The following ZNF880 variants were observed in gnomAD, a reference collection of about 807,000 sequenced individuals.
ZNF880 encodes the protein zinc finger protein LOC400713.
ZNF880 carries 12 observed loss-of-function variants against 11.8 expected under a neutral mutation model. That is an observed-to-expected ratio of 1.02 (90% confidence interval 0.65 to 1.65). ZNF880 has a LOEUF of 1.65. ZNF880 is among the 40% of genes most tolerant of loss of function. ZNF880 has a pLI of 0.00. For missense variants in ZNF880, 601 were observed against 673.9 expected, an observed-to-expected ratio of 0.89 and a Z score of 1.20; for synonymous variants, 210 against 232.4, an observed-to-expected ratio of 0.90 and a Z score of 0.88.
rs778858209 is a variant in ZNF880 at position 52,384,187 on chromosome 19, C to G, written c.607C>G (p.Gln203Glu). 9.9e-6 allele frequency: 16 copies of G among 1,610,866 alleles called. No individual in the cohort carries two copies. The highest frequency in any genetic ancestry group is 1.3e-5 in the Non-Finnish European group (15 of 1,178,288). ...FRVSSRLANN[Q>E]VIHTADNPYK... is the part of the protein sequence containing the mutation. ...AGTGTCTTCAAGACTTGCTAACAAT[C>G]AAGTAATCCACACTGCAGATAACCC... Residue 203 changes from glutamine to glutamate, a missense_variant, in exon 4 of 4, where the codon CAA (glutamine) becomes GAA (glutamate). Physicochemically the swap from Gln to Glu is conservative, Grantham distance 29. Coordinates refer to ENST00000422689, the MANE Select transcript of ZNF880 (RefSeq NM_001145434.2).
chr19:52,377,107 G>A (rs558264031), intron 3 of ZNF880, among the ~76,000 whole-genome samples: 2 of 152,294 alleles, frequency 1.3e-5, no homozygotes, highest in South Asian at 4.2e-4. Context: ...CTCTGTTTCT[G>A]TAGTGATTTT....
intron 2 of ZNF880, among the ~76,000 whole-genome samples, chr19:52,374,054 ATTCT>A (rs1434763041): frequency 6.6e-6 from 1 of 151,164 alleles, no homozygotes; most frequent in Non-Finnish European, 1.5e-5. Flanking sequence ...GTACACATTT[ATTCT>A]TTCTTTTTAT....
the ZNF880 span, among the ~76,000 whole-genome samples, chr19:52,391,832 G>A: frequency 6.6e-6 from 1 of 151,980 alleles, no homozygotes; most frequent in African/African-American, 2.4e-5. Context: ...CTGGGATGGG[G>A]TAGGGTGTGT....
downstream of ZNF880, chr19:52,390,076 C>A (rs2058702012): frequency 6.4e-6 from 1 of 156,678 alleles, no homozygotes; most frequent in Non-Finnish European, 1.4e-5. Context: ...TAAAGAAATA[C>A]CCGAGACTGG....
intron 3 of ZNF880, chr19:52,374,859 C>T (rs1480583875): frequency 1.3e-5 from 4 of 311,192 alleles, no homozygotes; most frequent in Non-Finnish European, 2.4e-5. Context: ...CTCTGCCTGC[C>T]AAGTCACTGG....
chr19:52,388,174 G>A (rs1204544789), downstream of ZNF880, among the ~76,000 whole-genome samples: 1 of 150,558 alleles, frequency 6.6e-6, no homozygotes, highest in Non-Finnish European at 1.5e-5. Context: ...CACTGCGCCT[G>A]GCCCATAAAT....
intron 2 of ZNF880, 77 bp from the exon 3 acceptor site, chr19:52,374,222 T>TC: frequency 7.5e-7 from 1 of 1,337,096 alleles, no homozygotes; most frequent in Non-Finnish European, 1.0e-6. Context: ...TTTTTTTTTT[T>TC]TTTGTATTTT....
chr19:52,379,414 T>G, intron 3 of ZNF880: 1 of 428,662 alleles, frequency 2.3e-6, no homozygotes, highest in Admixed American at 2.8e-5. Flanking sequence ...TTTTTTTTTT[T>G]TGATAGAGTC....
chr19:52,372,509 C>T (rs575725134), intron 1 of ZNF880, among the ~76,000 whole-genome samples: 4 of 150,384 alleles, frequency 2.7e-5, no homozygotes, highest in East Asian at 2.1e-4. Context: ...AGGATGGTCT[C>T]GATCTCGTGA....
chr19:52,383,989 C>T lies in ZNF880; in HGVS notation c.409C>T (p.Pro137Ser), dbSNP rs1986775727. Residue 137 changes from proline to serine, a missense_variant, in exon 4 of 4, where the codon CCT (proline) becomes TCT (serine). Pro to Ser is a moderately conservative substitution (Grantham distance 74, BLOSUM62 -1). This residue lies in a region of ZNF880 where 420 missense variants were observed against 442.6 expected (regional missense o/e 0.95). Transcript: ENST00000422689. ...NISGCKHVEK[P>S]INNSLVSPLQ... Reference sequence around the variant, plus strand: ...TTCTGGATGTAAACATGTCGAAAAACCTATCAACAATTCCTTAGTTTCACC... The same window carrying T: ...TTCTGGATGTAAACATGTCGAAAAATCTATCAACAATTCCTTAGTTTCACC... The T allele has an allele frequency of 6.6e-7, 1 of 1,521,864 alleles. No individual in the cohort carries two copies. Among genetic ancestry groups the T allele is most frequent in the Non-Finnish European group, 8.8e-7 (1 of 1,130,994 alleles). The allele number at this position is 1,521,864 out of a possible 1,614,324, so 94.3% of individuals were successfully genotyped here.
At chr19:52,394,587 A>AT in the ZNF880 span, among the ~76,000 whole-genome samples, 2 of 151,602 alleles carry the variant, frequency 1.3e-5, no homozygotes, top group Non-Finnish European at 2.9e-5. Context: ...CTACCTTTAC[A>AT]TTTTTCTTGT....
intron 1 of ZNF880, among the ~76,000 whole-genome samples, chr19:52,372,818 G>A (rs1986420544): frequency 6.7e-6 from 1 of 149,482 alleles, no homozygotes; most frequent in East Asian, 2.0e-4. Flanking sequence ...GCTGAGGCAG[G>A]AGAATGGCGT....
chr19:52,380,741 G>C (rs957336072), intron 3 of ZNF880, among the ~76,000 whole-genome samples: 5 of 152,144 alleles, frequency 3.3e-5, no homozygotes, highest in Non-Finnish European at 5.9e-5. Flanking sequence ...CAGTGGTACA[G>C]TTATAGCTCA....
downstream of ZNF880, chr19:52,389,306 G>A (rs1447050189): frequency 6.6e-6 from 1 of 152,204 alleles, no homozygotes; most frequent in East Asian, 1.9e-4. Context: ...TTATGAGCCT[G>A]TAAAATAAAA....
chr19:52,384,715 C>T lies in ZNF880; in HGVS notation c.1135C>T (p.Pro379Ser), dbSNP rs541368574. The T allele has an allele frequency of 2.5e-6, 4 of 1,613,082 alleles. No individual in the cohort carries two copies. In the South Asian group the frequency reaches 3.3e-5, roughly 13 times the overall value. Residue 379 changes from proline to serine, a missense_variant, in exon 4 of 4, where the codon CCT (proline) becomes TCT (serine). By Grantham distance (74) the Pro-to-Ser change is moderately conservative (BLOSUM62 -1). Transcript: ENST00000422689. ...TCAAAGAATCCATACTGGAGAGAAA[C>T]CTTATGAATGTAAAGAATGTGGCAA... ...RHQRIHTGEK[P>S]YECKECGKVF...
chr19:52,382,233 C>T (rs190323889), intron 3 of ZNF880, among the ~76,000 whole-genome samples: 5 of 152,054 alleles, frequency 3.3e-5, no homozygotes, highest in East Asian at 3.9e-4. Context: ...GCCAAGATCA[C>T]GCCACTGCAC....
At chr19:52,386,066 T>C (rs8113594), downstream of ZNF880, among the ~76,000 whole-genome samples, 1,045 of 138,836 alleles carry the variant, frequency 7.5e-3, 179 homozygotes, top group African/African-American at 0.029. Flanking sequence ...TCCCAGCTAC[T>C]CGGGAGGCTG....
chr19:52,372,704 A>G (rs1986414705), intron 1 of ZNF880, among the ~76,000 whole-genome samples: 1 of 150,504 alleles, frequency 6.6e-6, no homozygotes, highest in Non-Finnish European at 1.5e-5. Context: ...GATCGAGACC[A>G]TCCTGTGTAA....
At chr19:52,393,899 C>T in the ZNF880 span, among the ~76,000 whole-genome samples, 137 of 138,298 alleles carry the variant, frequency 9.9e-4, 2 homozygotes, top group East Asian at 7.2e-3. Context: ...TGCAGTGGCG[C>T]GATCTCAGCT....
Sources: allele counts gnomAD v4.1 joint callset (sites outside exome capture counted in the v4.1 genomes callset), GRCh38; gene constraint gnomAD v4.1.1; regional missense constraint gnomAD v4.1.1; transcripts MANE v1.5; gene names NCBI Gene and HGNC (gene_info 2026-07-23, HGNC 2026-07-21).